The following MGAT5B variants were observed in gnomAD, a reference collection of about 807,000 sequenced individuals.
The protein encoded by MGAT5B is N-acetylglucosaminyl-transferase Vb.
In MGAT5B, 54 loss-of-function variants were observed where a neutral mutation model predicts 95.1. That is an observed-to-expected ratio of 0.57 (90% confidence interval 0.46 to 0.71). The LOEUF (loss-of-function observed/expected upper bound fraction) is 0.71. MGAT5B is among the 30% of genes least tolerant of loss of function. The pLI is 0.00. For synonymous variants in MGAT5B, 464 were observed against 451.0 expected, an observed-to-expected ratio of 1.03 and a Z score of -0.36; for missense variants, 935 against 1,088.6, an observed-to-expected ratio of 0.86 and a Z score of 1.99.
rs527458128 is a variant in MGAT5B, at chr17:76,905,932, G to C, written c.856-86G>C. The C allele has an allele frequency of 1.2e-5, 17 of 1,425,672 alleles. No homozygotes were observed. The highest frequency in any genetic ancestry group is 1.6e-5 in the Non-Finnish European group (17 of 1,069,800). 88.3% of individuals were successfully genotyped at this position (1,425,672 alleles called of 1,614,324 possible). A position where few individuals can be genotyped will look rare whatever the true frequency, so the allele number is the denominator to read the frequency against. On this transcript the variant is annotated intron_variant, in intron 7 of 17. Coordinates refer to ENST00000569840, the MANE Select transcript of MGAT5B (RefSeq NM_001199172.2). The surrounding 1 kb of genome is among the most constrained non-coding windows in gnomAD (Gnocchi z 4.2). ...CAGCCTGGAGACAGGGTCTGCTGCC[G>C]GCTGGTCTCCTGGCCGGTGCCCCGG...
chr17:76,900,492 GAC>G (rs1968266412), intron 3 of MGAT5B, among the ~76,000 whole-genome samples: 1 of 152,238 alleles, frequency 6.6e-6, no homozygotes, highest in South Asian at 2.1e-4. Flanking sequence ...GAGGAAAGTG[GAC>G]ACAGACACAC....
chr17:76,903,259 C>T (rs1001032772), intron 4 of MGAT5B, 44 bp from the exon 5 acceptor site: 1 of 1,525,542 alleles, frequency 6.6e-7, no homozygotes, highest in Non-Finnish European at 9.0e-7. Flanking sequence ...TCCCTGGGCT[C>T]CTCCTTGGAC....
intron 1 of MGAT5B, among the ~76,000 whole-genome samples, chr17:76,872,267 T>G (rs1486019043): frequency 6.6e-6 from 1 of 152,022 alleles, no homozygotes; most frequent in Non-Finnish European, 1.5e-5. Context: ...AGGGGGGTGT[T>G]CAAACAAGCT....
At chr17:76,873,796 C>T (rs565414143) in intron 2 of MGAT5B, among the ~76,000 whole-genome samples, 1 of 152,304 alleles carries the variant, frequency 6.6e-6, no homozygotes, top group East Asian at 1.9e-4. Context: ...AGTGGGGAAA[C>T]TGAGGCAAGT....
chr17:76,923,415 G>C (rs1405440499), intron 8 of MGAT5B, among the ~76,000 whole-genome samples: 1 of 152,186 alleles, frequency 6.6e-6, no homozygotes, highest in African/African-American at 2.4e-5. Flanking sequence ...ATCCTGGGGA[G>C]GTGGGCATCC....
At chr17:76,875,078 C>A (rs942832605) in intron 2 of MGAT5B, among the ~76,000 whole-genome samples, 1 of 152,164 alleles carries the variant, frequency 6.6e-6, no homozygotes, top group Non-Finnish European at 1.5e-5. Flanking sequence ...CCAAGTGTCC[C>A]CATGCCACTT....
chr17:76,945,777 T>C (rs185081748), intron 15 of MGAT5B, among the ~76,000 whole-genome samples: 1 of 152,322 alleles, frequency 6.6e-6, no homozygotes, highest in Non-Finnish European at 1.5e-5. Context: ...ATTCCATGAC[T>C]ATTTCCTGAG....
chr17:76,881,253 C>T (rs1244245052), intron 2 of MGAT5B, among the ~76,000 whole-genome samples: 1 of 152,156 alleles, frequency 6.6e-6, no homozygotes, highest in African/African-American at 2.4e-5. Flanking sequence ...GGATCTTGGT[C>T]GAAGTGCCTC....
At position 76,868,985 on chromosome 17, in the gene MGAT5B, G is replaced by A. The variant is rs779988953; in HGVS notation, c.-45G>A. 6.0e-5 allele frequency: 95 copies of A among 1,586,530 alleles called. No homozygotes were observed. In the Admixed American group the frequency reaches 1.6e-3, roughly 26 times the overall value. ...CGGCGAGAGCTGGGCCCAGGACGGT[G>A]CGTCCGGCCTCGCCCGCGGCTGCTC... On this transcript the variant is annotated 5_prime_UTR_variant, in exon 1 of 18. Coordinates refer to ENST00000569840, the MANE Select transcript of MGAT5B (RefSeq NM_001199172.2). This position sits in a 1 kb window ranked among gnomAD's most constrained non-coding sequence, Gnocchi z 6.3.
intron 8 of MGAT5B, 97 bp from the exon 9 acceptor site, chr17:76,924,869 G>A: frequency 6.9e-7 from 1 of 1,452,136 alleles, no homozygotes; most frequent in Non-Finnish European, 9.5e-7. Flanking sequence ...TAAGCTCTCT[G>A]CACTTGTACA....
At chr17:76,903,127 A>C (rs1000813914) in intron 4 of MGAT5B, among the ~76,000 whole-genome samples, 176 bp from the exon 5 acceptor site, 12 of 152,108 alleles carry the variant, frequency 7.9e-5, no homozygotes, top group Non-Finnish European at 1.8e-4. Context: ...CCCCCTGAGG[A>C]GGCCGGGGGC....
chr17:76,936,739 C>T (rs939355570), intron 12 of MGAT5B, among the ~76,000 whole-genome samples: 4 of 152,192 alleles, frequency 2.6e-5, no homozygotes, highest in Non-Finnish European at 5.9e-5. Context: ...TGTCGAAAAT[C>T]AGTTGACCAC....
In MGAT5B at chr17:76,873,209, A is replaced by G. The variant is rs150249983; in HGVS notation, c.181+246A>G. On this transcript the variant is annotated intron_variant, in intron 2 of 17. Transcript: ENST00000569840. ...TAGGGCCTTTAAGCCAGGGTCTTCC[A>G]GGCCTCAGAAGAGGCTGCCAGTGTT... is the stretch of plus-strand genomic sequence containing the variant. Among the ~76,000 whole-genome samples the G allele has an allele frequency of 8.7e-4, 133 of 152,356 alleles. No individual in the cohort carries two copies. In the East Asian group the frequency reaches 9.8e-3, roughly 11 times the overall value.
intron 3 of MGAT5B, among the ~76,000 whole-genome samples, chr17:76,883,535 G>A (rs1967509167): frequency 6.6e-6 from 1 of 152,142 alleles, no homozygotes; most frequent in Admixed American, 6.5e-5. Flanking sequence ...GCATCTCCTG[G>A]ACCTCAGAGA....
chr17:76,897,042 A>G (rs1204460223), intron 3 of MGAT5B, among the ~76,000 whole-genome samples: 1 of 151,980 alleles, frequency 6.6e-6, no homozygotes. Context: ...CCTCAATCTG[A>G]GTAGCTGGGA....
Position 76,905,939 on chromosome 17 carries a change from C to T in MGAT5B, c.856-79C>T. On this transcript the variant is annotated intron_variant, in intron 7 of 17. Transcript: ENST00000569840. The surrounding 1 kb of genome is among the most constrained non-coding windows in gnomAD (Gnocchi z 4.2). ...GAGACAGGGTCTGCTGCCGGCTGGT[C>T]TCCTGGCCGGTGCCCCGGGGGGGCG... 2 of 1,467,928 alleles carry T rather than the reference C, an allele frequency of 1.4e-6. No individual in the cohort carries two copies. The highest frequency in any genetic ancestry group is 1.8e-6 in the Non-Finnish European group (2 of 1,104,274). The allele number at this position is 1,467,928 out of a possible 1,614,324, so 90.9% of individuals were successfully genotyped here. A position where few individuals can be genotyped will look rare whatever the true frequency, so the allele number is the denominator to read the frequency against.
Position 76,943,532 on chromosome 17 carries a change from T to C in MGAT5B, c.1848+2684T>C, listed in dbSNP as rs565627730. ...CAGCTTCGCGTGGGAATCTGCATTT[T>C]AAACAAGAACTCTGGGTAATTCTAA... On this transcript the variant is annotated intron_variant, in intron 15 of 17. Coordinates refer to ENST00000569840, the MANE Select transcript of MGAT5B (RefSeq NM_001199172.2). 1.5e-4 allele frequency among the ~76,000 whole-genome samples: 23 copies of C among 151,048 alleles called. No individual in the cohort carries two copies. In the South Asian group the frequency reaches 4.5e-3, roughly 29 times the overall value.
chr17:76,948,724 G>T lies in MGAT5B; in HGVS notation c.2265G>T (p.Leu755=). ...CCCAGCCTGGCCAGGAGTGCTACCTGCAGAAGGAGCCTCTGCTCTTCAGCT... is the reference window on the plus strand; with the variant it reads ...CCCAGCCTGGCCAGGAGTGCTACCTTCAGAAGGAGCCTCTGCTCTTCAGCT... The part of the protein sequence containing the change: ...AFAQPGQECY[L]QKEPLLFSCA... The change falls in exon 18 of 18, where the codon CTG becomes CTT. Residue 755 remains leucine (L), a synonymous_variant. Coordinates refer to ENST00000569840, the MANE Select transcript of MGAT5B (RefSeq NM_001199172.2). 1.2e-6 allele frequency: 2 copies of T among 1,613,218 alleles called. No homozygotes were observed. The highest frequency in any genetic ancestry group is 1.7e-6 in the Non-Finnish European group (2 of 1,179,796).
At chr17:76,877,319 TG>T (rs1216564793) in intron 2 of MGAT5B, among the ~76,000 whole-genome samples, 7 of 141,658 alleles carry the variant, frequency 4.9e-5, no homozygotes, top group African/African-American at 1.9e-4. Context: ...AGCAAGACTC[TG>T]TCTCGGCTTA....
Sources: gnomAD v4.1 joint callset for allele counts (sites outside exome capture counted in the v4.1 genomes callset) on GRCh38, gnomAD v4.1.1 for gene constraint, Gnocchi (gnomAD v3.1) non-coding constraint, MANE v1.5 for transcripts, NCBI Gene and HGNC (gene_info 2026-07-23, HGNC 2026-07-21) for gene names.